Variants in RPRD2 observed in about 807,000 individuals in gnomAD.
The protein encoded by RPRD2 is regulation of nuclear pre-mRNA domain-containing protein 2.
In RPRD2, 12 loss-of-function variants were observed where a neutral mutation model predicts 104.4. That is an observed-to-expected ratio of 0.11 (90% CI 0.07 to 0.19). The LOEUF is 0.19. Ranked by LOEUF, RPRD2 falls within the 10% of genes least tolerant of loss-of-function variation. The probability of loss-of-function intolerance (pLI) is 1.00; values close to 1 mark genes in which losing one functional copy is unlikely to be tolerated. For synonymous variants in RPRD2, 714 were observed against 684.9 expected (o/e 1.04, Z -0.66); for missense variants, 1,543 against 1,790.1 (o/e 0.86, Z 2.49).
chr1:150,441,522 C>T (rs587684732), intron 3 of RPRD2: 48 of 212,464 alleles, frequency 2.3e-4, no homozygotes, highest in African/African-American at 7.8e-4. Context: ...AGTTATTGAA[C>T]AGAAGTTTGT....
chr1:150,369,623 A>ATTTTTTTTTTTTTTTTTTTTTTTT (rs61016870), intron 1 of RPRD2, among the ~76,000 whole-genome samples: 22 of 68,868 alleles, frequency 3.2e-4, no homozygotes, highest in Non-Finnish European at 4.2e-4. Context: ...CGCCCAGCTA[A>ATTTTTTTTTTTTTTTTTTTTTTTT]TTTTTTTTTT....
intron 1 of RPRD2, among the ~76,000 whole-genome samples, chr1:150,403,512 A>G (rs1663222642): frequency 6.6e-6 from 1 of 152,160 alleles, no homozygotes; most frequent in South Asian, 2.1e-4. Flanking sequence ...GGAATCATAT[A>G]GTATCTGTTC....
At chr1:150,430,753 A>C (rs1164890928) in intron 2 of RPRD2, among the ~76,000 whole-genome samples, 2 of 152,100 alleles carry the variant, frequency 1.3e-5, no homozygotes, top group African/African-American at 4.8e-5. Context: ...AACATGGAGA[A>C]ACCCCGTCTC....
intron 10 of RPRD2, 142 bp from the exon 11 acceptor site, chr1:150,470,419 T>C (rs1668515657): frequency 1.3e-6 from 1 of 753,504 alleles, no homozygotes; most frequent in Non-Finnish European, 2.1e-6. Context: ...CCATTGCTTG[T>C]TTGGTCTGGA....
chr1:150,417,910 T>TCTTTTTC (rs1553888887), intron 2 of RPRD2, among the ~76,000 whole-genome samples, 185 bp downstream of exon 2: 1 of 150,590 alleles, frequency 6.6e-6, no homozygotes, highest in African/African-American at 2.4e-5. Flanking sequence ...TCTTTTCTTT[T>TCTTTTTC]TCTCTCTCTC....
rs749539687 is a variant in RPRD2, at chr1:150,472,743, T to C, written c.3795T>C (p.Ile1265=). ...CTCCTCCTGGAGAGCACAGTGGAATTCCTTTCCCTACCCCACCTCCTCCTC... is the reference window on the plus strand; with the variant it reads ...CTCCTCCTGGAGAGCACAGTGGAATCCCTTTCCCTACCCCACCTCCTCCTC... ...PPPPPGEHSG[I]PFPTPPPPPP... Residue 1265 remains isoleucine (I), a synonymous_variant, in exon 11 of 11, where the codon ATT becomes ATC. Coordinates refer to ENST00000369068, the MANE Select transcript of RPRD2 (RefSeq NM_015203.5). 1.4e-5 allele frequency: 23 copies of C among 1,612,888 alleles called. No homozygotes were observed. The highest frequency in any genetic ancestry group is 1.7e-5 in the Non-Finnish European group (20 of 1,179,206).
chr1:150,384,450 CATTATT>C (rs60436957), intron 1 of RPRD2, among the ~76,000 whole-genome samples: 2,092 of 132,302 alleles, frequency 0.016, 33 homozygotes, highest in African/African-American at 0.034. Context: ...GCATCATCAT[CATTATT>C]ATTATTATTA....
chr1:150,383,529 C>T (rs1377898519), intron 1 of RPRD2, among the ~76,000 whole-genome samples: 4 of 151,854 alleles, frequency 2.6e-5, no homozygotes, highest in African/African-American at 9.7e-5. Flanking sequence ...GTTGGTCAGG[C>T]TGGTCTTGAA....
intron 1 of RPRD2, among the ~76,000 whole-genome samples, chr1:150,374,295 A>G (rs1249573184): frequency 2.0e-5 from 3 of 152,228 alleles, no homozygotes; most frequent in Non-Finnish European, 4.4e-5. Context: ...TGGCATGCCC[A>G]GAAAGAACCT....
intron 1 of RPRD2, among the ~76,000 whole-genome samples, chr1:150,400,368 AT>A (rs1378528889): frequency 9.2e-5 from 14 of 151,892 alleles, no homozygotes; most frequent in Non-Finnish European, 8.8e-5. Context: ...CCCTTGCCTT[AT>A]TGCATTGGCT....
intron 5 of RPRD2, among the ~76,000 whole-genome samples, chr1:150,443,702 G>C (rs911802532): frequency 9.2e-5 from 14 of 152,144 alleles, no homozygotes; most frequent in Non-Finnish European, 1.2e-4. Flanking sequence ...GAAGGAAAAG[G>C]ATCTTTTAAA....
chr1:150,472,856 G>C lies in RPRD2; in HGVS notation c.3908G>C (p.Gly1303Ala). The C allele has an allele frequency of 6.2e-7, 1 of 1,612,866 alleles. No individual in the cohort carries two copies. The highest frequency in any genetic ancestry group is 8.5e-7 in the Non-Finnish European group (1 of 1,179,432). ...PPPPPPVDHSGVVPFPAPPLA... is the reference protein window; with the variant it reads ...PPPPPPVDHSAVVPFPAPPLA... Reference sequence around the variant, plus strand: ...CCTCCACCCCCTGTTGACCACTCTGGAGTTGTACCCTTCCCAGCCCCACCA... The same window carrying C: ...CCTCCACCCCCTGTTGACCACTCTGCAGTTGTACCCTTCCCAGCCCCACCA... The change falls in exon 11 of 11, where the codon GGA becomes GCA. Residue 1303 changes from glycine to alanine, a missense_variant. By Grantham distance (60) the Gly-to-Ala change is moderately conservative. Around this residue, in one of 4 missense-constraint regions of RPRD2, gnomAD observed 880 missense variants for 885.6 expected, o/e 0.99. Transcript: ENST00000369068.
chr1:150,374,419 C>T (rs1439458420), intron 1 of RPRD2, among the ~76,000 whole-genome samples: 2 of 152,142 alleles, frequency 1.3e-5, no homozygotes, highest in Non-Finnish European at 2.9e-5. Flanking sequence ...TCCCTGAGTT[C>T]TGTGAGCTGC....
chr1:150,415,102 A>G (rs1173861274), intron 1 of RPRD2, among the ~76,000 whole-genome samples: 1 of 152,160 alleles, frequency 6.6e-6, no homozygotes, highest in Non-Finnish European at 1.5e-5. Flanking sequence ...AGGCAGGTGG[A>G]TCACCTGAGG....
chr1:150,376,868 TTATAA>T (rs1358921902), intron 1 of RPRD2, among the ~76,000 whole-genome samples: 1 of 151,592 alleles, frequency 6.6e-6, no homozygotes, highest in African/African-American at 2.4e-5. Context: ...TAAAATTCTC[TTATAA>T]TATGTTATGC....
At chr1:150,459,568 C>T (rs1570782515) in intron 8 of RPRD2, among the ~76,000 whole-genome samples, 1 of 149,112 alleles carries the variant, frequency 6.7e-6, no homozygotes, top group Non-Finnish European at 1.5e-5. Flanking sequence ...AAGTAAGATA[C>T]AAGATAAATT....
At chr1:150,379,365 T>A (rs1660961224) in intron 1 of RPRD2, among the ~76,000 whole-genome samples, 1 of 152,202 alleles carries the variant, frequency 6.6e-6, no homozygotes, top group African/African-American at 2.4e-5. Flanking sequence ...TGGATGTTTT[T>A]AAATTCTTAG....
At chr1:150,391,982 A>G (rs989110691) in intron 1 of RPRD2, among the ~76,000 whole-genome samples, 3 of 152,060 alleles carry the variant, frequency 2.0e-5, no homozygotes, top group African/African-American at 4.8e-5. Context: ...TGGACTGGGC[A>G]TGGTGGTGTG....
intron 1 of RPRD2, among the ~76,000 whole-genome samples, chr1:150,378,611 G>A (rs1279695149): frequency 6.6e-6 from 1 of 152,094 alleles, no homozygotes; most frequent in Non-Finnish European, 1.5e-5. Context: ...CCATTAAACA[G>A]ATTTGCAAAA....
Sources: gnomAD v4.1 joint callset for allele counts (sites outside exome capture counted in the v4.1 genomes callset) on GRCh38, gnomAD v4.1.1 for gene constraint, gnomAD v4.1.1 regional missense constraint, MANE v1.5 for transcripts, NCBI Gene and HGNC (gene_info 2026-07-23, HGNC 2026-07-21) for gene names.